PAK6: variants seen among roughly 807,000 people sequenced by gnomAD.
The protein encoded by PAK6 is serine/threonine-protein kinase PAK 6.
A neutral mutation model predicts 60.8 loss-of-function variants in PAK6; 33 were observed. The ratio of observed to expected loss-of-function variants is 0.54; its 90% CI spans 0.41 to 0.73. PAK6 has a LOEUF of 0.73. Ranked by LOEUF, PAK6 falls within the 30% of genes least tolerant of loss-of-function variation. PAK6 has a pLI of 0.00. For missense variants in PAK6, 845 were observed against 904.1 expected (o/e 0.93, Z 0.84); for synonymous variants, 404 against 378.5 (o/e 1.07, Z -0.78).
At chr15:40,271,791 TG>T (rs1292099274) in intron 5 of PAK6, among the ~76,000 whole-genome samples, 1 of 152,188 alleles carries the variant, frequency 6.6e-6, no homozygotes. Flanking sequence ...CCATGGGTCC[TG>T]GGGTGGGGGA....
At chr15:40,248,128 C>T (rs771164794) in intron 2 of PAK6, among the ~76,000 whole-genome samples, 36 of 152,330 alleles carry the variant, frequency 2.4e-4, no homozygotes, top group Middle Eastern at 6.8e-3. Flanking sequence ...AGAGGGCTCC[C>T]GTCCGCAGGA....
chr15:40,247,878 A>C (rs1436594349), intron 2 of PAK6, among the ~76,000 whole-genome samples: 1 of 152,120 alleles, frequency 6.6e-6, no homozygotes, highest in Non-Finnish European at 1.5e-5. Flanking sequence ...CATCAAACCA[A>C]GCTCCAGTGT....
chr15:40,264,986 G>A, exon 4 of PAK6: 7 of 1,612,902 alleles, frequency 4.3e-6, no homozygotes, highest in Non-Finnish European at 5.9e-6. Context: ...TCCAGCCCAT[G>A]AAGGTAAGAG....
At chr15:40,266,596 T>C (rs1236409434) in intron 5 of PAK6, 101 bp downstream of exon 5, 36 of 1,226,654 alleles carry the variant, frequency 2.9e-5, no homozygotes, top group Admixed American at 5.8e-5. Context: ...AGAGGCTCCC[T>C]GGACTGCTTC....
chr15:40,242,323 T>C (rs2038377761), intron 2 of PAK6, among the ~76,000 whole-genome samples: 1 of 152,154 alleles, frequency 6.6e-6, no homozygotes, highest in Admixed American at 6.5e-5. Context: ...CCGCACACAG[T>C]GTCCTGGGTG....
chr15:40,246,418 A>C (rs2038496202), intron 2 of PAK6: 1 of 152,198 alleles, frequency 6.6e-6, no homozygotes, highest in African/African-American at 2.4e-5. Context: ...ATTCCACTAG[A>C]GTGGATCTTG....
chr15:40,252,547 C>T, intron 2 of PAK6: 1 of 1,361,854 alleles, frequency 7.3e-7, no homozygotes, highest in Non-Finnish European at 9.8e-7. Flanking sequence ...ACCCTGAAAT[C>T]AAAATCGCGG....
intron 3 of PAK6, among the ~76,000 whole-genome samples, chr15:40,261,680 A>C (rs940138905): frequency 6.6e-6 from 1 of 152,142 alleles, no homozygotes; most frequent in African/African-American, 2.4e-5. Flanking sequence ...CACATTTCAG[A>C]TGAGTCCTAG....
At chr15:40,255,233 G>C (rs1271311076) in intron 3 of PAK6, among the ~76,000 whole-genome samples, 1 of 151,984 alleles carries the variant, frequency 6.6e-6, no homozygotes, top group Non-Finnish European at 1.5e-5. Flanking sequence ...CACGCCTGTT[G>C]ACACAAGTGA....
intron 3 of PAK6, among the ~76,000 whole-genome samples, chr15:40,261,007 G>C (rs947895271): frequency 3.3e-5 from 5 of 151,510 alleles, no homozygotes; most frequent in African/African-American, 1.2e-4. Context: ...TCCTGCCTCA[G>C]CCTCCTGAGT....
chr15:40,261,993 A>G (rs2038996726), intron 3 of PAK6, among the ~76,000 whole-genome samples: 1 of 148,440 alleles, frequency 6.7e-6, no homozygotes, highest in African/African-American at 2.5e-5. Flanking sequence ...GTGCATCCCC[A>G]CAGCAAAAGC....
intron 1 of PAK6, 190 bp from the exon 2 acceptor site, chr15:40,240,409 T>A: frequency 6.3e-6 from 2 of 319,108 alleles, no homozygotes; most frequent in Non-Finnish European, 1.2e-5. Flanking sequence ...AGGGGGGAGG[T>A]CCCTTCTCCC....
At position 40,275,280 on chromosome 15, in the gene PAK6, G is replaced by GTTTTCTTTTTT. The variant is rs1448905930; in HGVS notation, c.1879-643_1879-642insCTTTTTTTTTT. Reference sequence around the variant, plus strand: ...GACTTGTTTGTTTCTGTTGTTGTTGGTTTTTTTTTTTTTTTTTTTTTTGGA... The same window carrying GTTTTCTTTTTT: ...GACTTGTTTGTTTCTGTTGTTGTTGGTTTTCTTTTTTTTTTTTTTTTTTTTTTTTTTTTGGA... On this transcript the variant is annotated intron_variant, in intron 10 of 10. Transcript: ENST00000560346. 4.3e-3 allele frequency among the ~76,000 whole-genome samples: 241 copies of GTTTTCTTTTTT among 56,492 alleles called. 18 individuals carry two copies. Among genetic ancestry groups the GTTTTCTTTTTT allele is most frequent in the Admixed American group, 7.9e-3 (28 of 3,534 alleles). 37.1% of individuals were successfully genotyped at this position (56,492 alleles called of 152,430 possible).
chr15:40,272,959 C>T, exon 7 of PAK6: 1 of 1,613,996 alleles, frequency 6.2e-7, no homozygotes, highest in South Asian at 1.1e-5. Flanking sequence ...CATGGAGTTC[C>T]TGCAGGGAGG....
chr15:40,255,793 C>T (rs910332390), intron 3 of PAK6, among the ~76,000 whole-genome samples: 6 of 152,110 alleles, frequency 3.9e-5, no homozygotes, highest in African/African-American at 1.2e-4. Context: ...AGCTTTTCAT[C>T]GCTGAATGAG....
exon 11 of PAK6, chr15:40,276,102 C>G: frequency 6.2e-7 from 1 of 1,612,336 alleles, no homozygotes; most frequent in East Asian, 2.2e-5. Flanking sequence ...TGAGCCCACC[C>G]CAAGTATGCC....
At chr15:40,266,585 A>C in intron 5 of PAK6, 90 bp downstream of exon 5, 1 of 1,314,832 alleles carries the variant, frequency 7.6e-7, no homozygotes, top group Non-Finnish European at 1.0e-6. Flanking sequence ...AGGACTGGCA[A>C]AGAGGCTCCC....
At chr15:40,247,629 CAG>C (rs945168217) in intron 2 of PAK6, among the ~76,000 whole-genome samples, 10 of 151,852 alleles carry the variant, frequency 6.6e-5, no homozygotes, top group Admixed American at 2.0e-4. Flanking sequence ...GAAAGGCAGG[CAG>C]AGAGAGAGAG....
At chr15:40,266,746 G>T in intron 5 of PAK6, 1 of 438,318 alleles carries the variant, frequency 2.3e-6, no homozygotes, top group South Asian at 5.5e-5. Flanking sequence ...GTTCCCAAGT[G>T]TGTGGCCATA....
Sources: allele counts gnomAD v4.1 joint callset (sites outside exome capture counted in the v4.1 genomes callset), GRCh38; gene constraint gnomAD v4.1.1; transcripts MANE v1.5; gene names NCBI Gene and HGNC (gene_info 2026-07-23, HGNC 2026-07-21).